The following SLC9A2 variants were observed in gnomAD, a reference collection of about 807,000 sequenced individuals.
The protein encoded by SLC9A2 is sodium/hydrogen exchanger 2.
A neutral mutation model predicts 71.7 loss-of-function variants in SLC9A2; 42 were observed. The ratio of observed to expected loss-of-function variants is 0.59; its 90% CI spans 0.46 to 0.76. The LOEUF (loss-of-function observed/expected upper bound fraction) is 0.76, where lower values mean the gene tolerates loss of function less well. SLC9A2 is among the 30% of genes least tolerant of loss of function. The pLI, the probability that SLC9A2 is intolerant of heterozygous loss-of-function variation, is 0.00. For missense variants in SLC9A2, 829 were observed against 1,017.4 expected (o/e 0.81, Z 2.52); for synonymous variants, 396 against 392.5 (o/e 1.01, Z -0.10).
At chr2:102,704,084 A>G (rs750435606) in intron 9 of SLC9A2, among the ~76,000 whole-genome samples, 3 of 152,246 alleles carry the variant, frequency 2.0e-5, no homozygotes, top group Non-Finnish European at 4.4e-5. Flanking sequence ...TAGACATGGC[A>G]CTTGATGAAA....
intron 7 of SLC9A2, 33 bp downstream of exon 7, chr2:102,695,146 T>A: frequency 1.4e-6 from 2 of 1,459,036 alleles, no homozygotes; most frequent in Non-Finnish European, 1.9e-6. Context: ...GGTTATGAAG[T>A]GGCCCAGGGT....
intron 3 of SLC9A2, among the ~76,000 whole-genome samples, chr2:102,679,385 A>ATT (rs61336100): frequency 4.0e-5 from 3 of 74,394 alleles, no homozygotes; most frequent in African/African-American, 1.8e-4. Context: ...TATATATATA[A>ATT]TTTTTTTTTT....
At chr2:102,628,241 A>T (rs1168199385) in intron 1 of SLC9A2, among the ~76,000 whole-genome samples, 1 of 152,198 alleles carries the variant, frequency 6.6e-6, no homozygotes, top group Non-Finnish European at 1.5e-5. Flanking sequence ...TGCAAATGAC[A>T]TATCAGTTTC....
intron 1 of SLC9A2, among the ~76,000 whole-genome samples, chr2:102,620,825 G>C (rs1479505313): frequency 6.6e-6 from 1 of 152,026 alleles, no homozygotes; most frequent in African/African-American, 2.4e-5. Flanking sequence ...GATCCCTTGA[G>C]GCCAGGAGTT....
intron 1 of SLC9A2, among the ~76,000 whole-genome samples, chr2:102,625,969 C>A (rs1260149462): frequency 6.6e-6 from 1 of 152,176 alleles, no homozygotes; most frequent in Non-Finnish European, 1.5e-5. Context: ...TCTTCACATC[C>A]TCTCTAGCAC....
At chr2:102,666,310 C>G (rs941428972) in intron 3 of SLC9A2, among the ~76,000 whole-genome samples, 3 of 151,092 alleles carry the variant, frequency 2.0e-5, no homozygotes, top group Non-Finnish European at 4.4e-5. Flanking sequence ...ATTCTCCTGC[C>G]TCAGCCTCCT....
intron 3 of SLC9A2, among the ~76,000 whole-genome samples, chr2:102,672,359 CTG>C (rs59721173): frequency 0.21 from 32,513 of 151,896 alleles, 3,717 homozygotes; most frequent in South Asian, 0.34. Flanking sequence ...CTATTAGACA[CTG>C]TTGTTCTGTA....
chr2:102,621,141 A>C (rs1676128252), intron 1 of SLC9A2, among the ~76,000 whole-genome samples: 1 of 151,692 alleles, frequency 6.6e-6, no homozygotes, highest in Non-Finnish European at 1.5e-5. Context: ...GCAACAAAGC[A>C]AGACTCTGTC....
chr2:102,622,346 A>G (rs1027651065), intron 1 of SLC9A2, among the ~76,000 whole-genome samples: 1 of 152,204 alleles, frequency 6.6e-6, no homozygotes, highest in Non-Finnish European at 1.5e-5. Flanking sequence ...CTGAGCCTCA[A>G]GGCTCCATCG....
chr2:102,644,655 T>C (rs959677767), intron 1 of SLC9A2, among the ~76,000 whole-genome samples: 2 of 152,134 alleles, frequency 1.3e-5, no homozygotes, highest in African/African-American at 2.4e-5. Flanking sequence ...TTACTGAGGG[T>C]TGAGCAGGTG....
intron 4 of SLC9A2, 150 bp from the exon 5 acceptor site, chr2:102,683,984 T>A: frequency 1.6e-6 from 1 of 632,806 alleles, no homozygotes; most frequent in Non-Finnish European, 2.8e-6. Flanking sequence ...GAACCTGGTA[T>A]TACTAGCAAG....
At chr2:102,647,931 C>T (rs968085350) in intron 1 of SLC9A2, among the ~76,000 whole-genome samples, 1 of 152,160 alleles carries the variant, frequency 6.6e-6, no homozygotes, top group African/African-American at 2.4e-5. Context: ...GAGCTGGTAC[C>T]ATTCCTTCTG....
At chr2:102,667,426 T>C (rs1203184497) in intron 3 of SLC9A2, among the ~76,000 whole-genome samples, 1 of 152,134 alleles carries the variant, frequency 6.6e-6, no homozygotes, top group Non-Finnish European at 1.5e-5. Flanking sequence ...GCTATGCAAA[T>C]TTGTCAGTTT....
rs768671105 is a variant in SLC9A2 at position 102,684,157 on chromosome 2, A to G, written c.1246A>G (p.Ile416Val). ...AGGTGTTTTTGTCCTGACTCAGGTC[A>G]TTAATAGGTTCCGGACCATTCCCCT... ...ALGVFVLTQVINRFRTIPLTF... is the reference protein window; with the variant it reads ...ALGVFVLTQVVNRFRTIPLTF... The change falls in exon 5 of 12, where the codon ATT becomes GTT. Residue 416 changes from isoleucine to valine, a missense_variant. Transcript: ENST00000233969. 27 of 1,613,994 alleles carry G rather than the reference A, an allele frequency of 1.7e-5. No individual in the cohort carries two copies. Among genetic ancestry groups the G allele is most frequent in the Non-Finnish European group, 2.2e-5 (26 of 1,180,012 alleles).
intron 5 of SLC9A2, among the ~76,000 whole-genome samples, chr2:102,688,502 G>A (rs1481813901): frequency 1.3e-5 from 2 of 152,202 alleles, no homozygotes; most frequent in East Asian, 3.9e-4. Flanking sequence ...GGCCAAGGCG[G>A]GTGGATCACG....
Position 102,701,142 on chromosome 2 carries a change from AT to A in SLC9A2, c.1660del (p.Ser554LeufsTer8). On this transcript the variant is annotated frameshift_variant, in exon 8 of 12. Transcript: ENST00000233969. LOFTEE classifies it high-confidence loss of function. ...RENQPKSSIV[S>X]LYKKLEIKHA... ...AAAACCAACCAAAGTCAAGTATTGT[AT>A]CTTTATATAAAAAGCTTGAAATAAA... The A allele has an allele frequency of 2.5e-6, 4 of 1,611,844 alleles. No homozygotes were observed. Among genetic ancestry groups the A allele is most frequent in the Non-Finnish European group, 3.4e-6 (4 of 1,178,890 alleles).
rs1383593915 is a variant in SLC9A2, at chr2:102,698,104, T to C, written c.1587-2966T>C. Among the ~76,000 whole-genome samples the C allele has an allele frequency of 2.0e-5, 3 of 152,188 alleles. No homozygotes were observed. In the East Asian group the frequency reaches 5.8e-4, roughly 29 times the overall value. ...CCTTTTACTCTCTCTAGTGAAAAGC[T>C]AAAACAACAATAATAATAAAAGAAG... is the stretch of plus-strand genomic sequence containing the variant. On this transcript the variant is annotated intron_variant, in intron 7 of 11. Coordinates refer to ENST00000233969, the MANE Select transcript of SLC9A2 (RefSeq NM_003048.6).
Position 102,657,778 on chromosome 2 carries a change from G to A in SLC9A2, c.504G>A (p.Thr168=), listed in dbSNP as rs267598814. 14 of 1,614,076 alleles carry A rather than the reference G, an allele frequency of 8.7e-6. No homozygotes were observed. Among genetic ancestry groups the A allele is most frequent in the East Asian group, 6.7e-5 (3 of 44,904 alleles). The change falls in exon 2 of 12, where the codon ACG becomes ACA. Residue 168 remains threonine, a synonymous_variant. Transcript: ENST00000233969. ...GCCCATTCTTTGAGAACATTGGCACGATTTTCTGGTATGCTGTGGTAGGGA... is the reference window on the plus strand; with the variant it reads ...GCCCATTCTTTGAGAACATTGGCACAATTTTCTGGTATGCTGTGGTAGGGA... ...PTRPFFENIG[T]IFWYAVVGTL...
rs1460422452 is a variant in SLC9A2 at position 102,708,279 on chromosome 2, G to A, written c.2229G>A (p.Met743Ile). Residue 743 changes from methionine to isoleucine, a missense_variant, in exon 12 of 12, where the codon ATG (methionine) becomes ATA (isoleucine). Around this residue, in one of 3 missense-constraint regions of SLC9A2, gnomAD observed 223 missense variants for 197.5 expected, o/e 1.13. Transcript: ENST00000233969. ...NEVDVDSGRD[M>I]PSTPPTPHSR... is the part of the protein sequence containing the mutation. ...TAGATGTTGATTCTGGCCGAGATAT[G>A]CCCAGCACCCCCCCAACACCCCACA... 1 of 1,614,018 alleles carries A rather than the reference G, an allele frequency of 6.2e-7. No homozygotes were observed. The highest frequency in any genetic ancestry group is 8.5e-7 in the Non-Finnish European group (1 of 1,180,036).
Sources: allele counts gnomAD v4.1 joint callset (sites outside exome capture counted in the v4.1 genomes callset), GRCh38; gene constraint gnomAD v4.1.1; regional missense constraint gnomAD v4.1.1; transcripts MANE v1.5; gene names NCBI Gene and HGNC (gene_info 2026-07-23, HGNC 2026-07-21).